The following LRFN5 variants were observed in gnomAD, a reference collection of about 807,000 sequenced individuals.
LRFN5 encodes leucine rich repeat and fibronectin type III domain containing 5.
LRFN5 carries 24 observed loss-of-function variants against 45.6 expected under a neutral mutation model. The observed-to-expected ratio is 0.53, with a 90% CI of 0.38 to 0.74. The LOEUF (loss-of-function observed/expected upper bound fraction) is 0.74. LRFN5 is among the 30% of genes least tolerant of loss of function. The pLI, the probability that LRFN5 is intolerant of heterozygous loss-of-function variation, is 0.00. For missense variants in LRFN5, 776 were observed against 861.5 expected, an observed-to-expected ratio of 0.90 and a Z score of 1.24; for synonymous variants, 340 against 313.8, an observed-to-expected ratio of 1.08 and a Z score of -0.88.
intron 1 of LRFN5, among the ~76,000 whole-genome samples, chr14:41,677,378 C>T (rs1362462712): frequency 6.6e-6 from 1 of 152,092 alleles, no homozygotes; most frequent in Non-Finnish European, 1.5e-5. Flanking sequence ...CACACACACA[C>T]ATACACACAC....
chr14:41,837,363 T>TTC (rs1323587221), intron 2 of LRFN5, among the ~76,000 whole-genome samples: 4 of 152,138 alleles, frequency 2.6e-5, no homozygotes, highest in African/African-American at 9.7e-5. Context: ...ATGCTAGACT[T>TTC]AGTACAGGGC....
intron 2 of LRFN5, among the ~76,000 whole-genome samples, chr14:41,826,034 A>G (rs1169047634): frequency 1.3e-5 from 2 of 152,106 alleles, no homozygotes; most frequent in Non-Finnish European, 2.9e-5. Flanking sequence ...TACTTTCAAC[A>G]TTTAGTTCAA....
intron 1 of LRFN5, among the ~76,000 whole-genome samples, chr14:41,671,636 T>TTTTTTTTTTC (rs1881236354): frequency 1.4e-5 from 2 of 145,756 alleles, no homozygotes; most frequent in African/African-American, 5.1e-5. Flanking sequence ...TTTTTTTTTT[T>TTTTTTTTTTC]TACGGAGTTT....
At chr14:41,721,443 T>C (rs58898748) in intron 1 of LRFN5, among the ~76,000 whole-genome samples, 5,169 of 152,246 alleles carry the variant, frequency 0.034, 295 homozygotes, top group African/African-American at 0.12. Flanking sequence ...TAGTTTCTAT[T>C]GTGTCGTTGC....
At chr14:41,754,373 G>A (rs888398677) in intron 1 of LRFN5, among the ~76,000 whole-genome samples, 3 of 152,032 alleles carry the variant, frequency 2.0e-5, no homozygotes, top group African/African-American at 7.3e-5. Context: ...GGTAGAATTC[G>A]GCTGTGAATC....
chr14:41,810,364 C>G (rs1279402628), intron 2 of LRFN5, among the ~76,000 whole-genome samples: 1 of 151,980 alleles, frequency 6.6e-6, no homozygotes, highest in African/African-American at 2.4e-5. Flanking sequence ...CTTGTTAAGA[C>G]ACCAAAGAGG....
At chr14:41,626,125 G>T (rs1172514243) in intron 1 of LRFN5, among the ~76,000 whole-genome samples, 1 of 151,972 alleles carries the variant, frequency 6.6e-6, no homozygotes, top group Non-Finnish European at 1.5e-5. Context: ...CTTTTTTATA[G>T]AATTTGATGC....
chr14:41,611,242 G>C (rs1459634662), intron 1 of LRFN5, among the ~76,000 whole-genome samples: 1 of 152,162 alleles, frequency 6.6e-6, no homozygotes, highest in African/African-American at 2.4e-5. Context: ...TTAGGTTAAA[G>C]GTCATAACTA....
At chr14:41,870,207 T>C (rs1163839922) in intron 2 of LRFN5, among the ~76,000 whole-genome samples, 8 of 152,158 alleles carry the variant, frequency 5.3e-5, no homozygotes, top group African/African-American at 9.7e-5. Context: ...TTCTCACTGC[T>C]GTAGAATTAT....
intron 1 of LRFN5, among the ~76,000 whole-genome samples, chr14:41,673,593 C>T (rs1379489854): frequency 6.7e-6 from 1 of 148,756 alleles, no homozygotes; most frequent in Non-Finnish European, 1.5e-5. Context: ...CACCTCACTC[C>T]CGGATGGGGC....
intron 1 of LRFN5, among the ~76,000 whole-genome samples, chr14:41,741,982 A>G (rs1382706829): frequency 1.3e-5 from 2 of 151,764 alleles, no homozygotes; most frequent in Non-Finnish European, 2.9e-5. Flanking sequence ...CCTCACACCC[A>G]TTAAAATGGC....
At chr14:41,900,257 C>A (rs1411517994) in intron 5 of LRFN5, among the ~76,000 whole-genome samples, 1 of 151,954 alleles carries the variant, frequency 6.6e-6, no homozygotes, top group African/African-American at 2.4e-5. Flanking sequence ...AATTTGGAAG[C>A]AGGCGAGTAA....
intron 1 of LRFN5, among the ~76,000 whole-genome samples, chr14:41,765,767 TA>T (rs1437967614): frequency 2.6e-5 from 4 of 152,208 alleles, no homozygotes; most frequent in Non-Finnish European, 4.4e-5. Context: ...AATTGAAATA[TA>T]TAAGCTATAA....
chr14:41,861,540 A>G (rs566674815), intron 2 of LRFN5, among the ~76,000 whole-genome samples: 3 of 152,252 alleles, frequency 2.0e-5, no homozygotes, highest in African/African-American at 7.2e-5. Context: ...TGCATTTTTA[A>G]TGAGTGTCTA....
chr14:41,783,827 A>G (rs1886622763), intron 2 of LRFN5, among the ~76,000 whole-genome samples: 1 of 152,126 alleles, frequency 6.6e-6, no homozygotes, highest in African/African-American at 2.4e-5. Flanking sequence ...TTAGCGTTTT[A>G]GTTTCATAAT....
rs546282669 is a variant in LRFN5, at chr14:41,806,313, A to G, written c.-21+39284A>G. ...TGCTCAGCATTCAGGGAATACAGAC[A>G]TATGAGCTATCTGTCCAGCCAAAGG... is the stretch of plus-strand genomic sequence containing the variant. On this transcript the variant is annotated intron_variant, in intron 2 of 5. Coordinates refer to ENST00000298119, the MANE Select transcript of LRFN5 (RefSeq NM_152447.5). Among the ~76,000 whole-genome samples the G allele has an allele frequency of 4.6e-5, 7 of 152,326 alleles. No individual in the cohort carries two copies. The South Asian group carries it at 1.4e-3, about 32-fold the overall frequency.
At chr14:41,688,348 T>C (rs927573311) in intron 1 of LRFN5, among the ~76,000 whole-genome samples, 1 of 151,976 alleles carries the variant, frequency 6.6e-6, no homozygotes, top group Non-Finnish European at 1.5e-5. Flanking sequence ...AAAGGAAAAA[T>C]GCTCGAGGTG....
chr14:41,892,819 C>T, intron 4 of LRFN5: 1 of 985,250 alleles, frequency 1.0e-6, no homozygotes, highest in South Asian at 4.7e-5. Context: ...AGTTTTCAGT[C>T]ACAGGCTACA....
At chr14:41,632,682 A>G (rs1888586641) in intron 1 of LRFN5, among the ~76,000 whole-genome samples, 1 of 152,236 alleles carries the variant, frequency 6.6e-6, no homozygotes. Flanking sequence ...AGTTTGAGTT[A>G]TAAGAAAATA....
Sources: gnomAD v4.1 joint callset for allele counts (sites outside exome capture counted in the v4.1 genomes callset) on GRCh38, gnomAD v4.1.1 for gene constraint, MANE v1.5 for transcripts, NCBI Gene and HGNC (gene_info 2026-07-23, HGNC 2026-07-21) for gene names.